The following SYNPR variants were observed in gnomAD, a reference collection of about 807,000 sequenced individuals.
SYNPR encodes synaptoporin.
In SYNPR, 23 loss-of-function variants were observed where a neutral mutation model predicts 32.9. That is an observed-to-expected ratio of 0.70 (90% CI 0.50 to 0.99). The LOEUF is 0.99. Among genes scored for constraint, SYNPR ranks in the 50% least tolerant of loss-of-function variants. SYNPR has a pLI of 0.00. For synonymous variants in SYNPR, 146 were observed against 135.9 expected, an observed-to-expected ratio of 1.07 and a Z score of -0.52; for missense variants, 318 against 349.3, an observed-to-expected ratio of 0.91 and a Z score of 0.71.
chr3:63,376,358 C>T (rs960652268), intron 2 of SYNPR, among the ~76,000 whole-genome samples: 1 of 152,040 alleles, frequency 6.6e-6, no homozygotes, highest in African/African-American at 2.4e-5. Context: ...AGTTAACATC[C>T]CCTTTCAAAA....
chr3:63,343,318 T>C (rs1575604256), intron 2 of SYNPR, among the ~76,000 whole-genome samples: 1 of 152,318 alleles, frequency 6.6e-6, no homozygotes, highest in Non-Finnish European at 1.5e-5. Flanking sequence ...AAAAGATCAC[T>C]GTGGCTGCTG....
intron 1 of SYNPR, chr3:63,252,375 A>G (rs1337636236): frequency 6.6e-6 from 1 of 152,206 alleles, no homozygotes; most frequent in Non-Finnish European, 1.5e-5. Flanking sequence ...TTGAATTTGA[A>G]TTCCATTTAT....
intron 3 of SYNPR, among the ~76,000 whole-genome samples, chr3:63,497,042 C>T (rs1474679028): frequency 1.3e-5 from 2 of 152,104 alleles, no homozygotes; most frequent in African/African-American, 2.4e-5. Context: ...TGCAAGTCCT[C>T]GGTTGTACAG....
At chr3:63,540,930 A>AACACACACACACACACACACAC (rs58295090) in intron 3 of SYNPR, among the ~76,000 whole-genome samples, 4 of 122,752 alleles carry the variant, frequency 3.3e-5, no homozygotes, top group South Asian at 2.9e-4. Context: ...TCCCCCCCCC[A>AACACACACACACACACACACAC]ACACACACAC....
intron 3 of SYNPR, among the ~76,000 whole-genome samples, chr3:63,518,636 C>G (rs1701844269): frequency 6.6e-6 from 1 of 152,148 alleles, no homozygotes; most frequent in African/African-American, 2.4e-5. Context: ...GGCAAGTTAC[C>G]TAACATTGCT....
the SYNPR span, among the ~76,000 whole-genome samples, chr3:63,218,590 C>T: frequency 6.6e-6 from 1 of 152,152 alleles, no homozygotes; most frequent in African/African-American, 2.4e-5. Context: ...AAGTGAAATA[C>T]CTGTAAACTC....
intron 2 of SYNPR, among the ~76,000 whole-genome samples, chr3:63,259,728 A>G (rs1000571505): frequency 6.6e-6 from 1 of 152,196 alleles, no homozygotes; most frequent in Non-Finnish European, 1.5e-5. Context: ...GGCCAGGGCA[A>G]TCAGGCAAGA....
At chr3:63,534,577 C>A (rs189647544) in intron 3 of SYNPR, among the ~76,000 whole-genome samples, 1 of 152,230 alleles carries the variant, frequency 6.6e-6, no homozygotes, top group East Asian at 1.9e-4. Context: ...TTATAAGAAC[C>A]TGTCAGTACA....
chr3:63,346,359 G>A (rs907191148), intron 2 of SYNPR, among the ~76,000 whole-genome samples: 7 of 151,878 alleles, frequency 4.6e-5, no homozygotes, highest in South Asian at 2.1e-4. Flanking sequence ...TGAAGTATGC[G>A]CTGTTTTACT....
Position 63,293,752 on chromosome 3 carries a change from T to C in SYNPR, c.84+15010T>C, listed in dbSNP as rs187199643. 1.6e-3 allele frequency among the ~76,000 whole-genome samples: 245 copies of C among 151,916 alleles called. 1 individual carries two copies. The highest frequency in any genetic ancestry group is 5.7e-3 in the African/African-American group (234 of 41,382). On this transcript the variant is annotated intron_variant, in intron 2 of 5. Coordinates refer to ENST00000478300, the MANE Select transcript of SYNPR (RefSeq NM_001130003.2). ...TCCTTGGCTTACAGAAGTATTGTCC[T>C]GATGTCTGCTTTCCTCTTCACATGG...
chr3:63,321,116 C>A (rs1328847321), intron 2 of SYNPR, among the ~76,000 whole-genome samples: 2 of 152,032 alleles, frequency 1.3e-5, no homozygotes, highest in Admixed American at 6.6e-5. Flanking sequence ...TTAGTTTATA[C>A]CCCCAAGATA....
chr3:63,203,494 T>C, the SYNPR span: 1 of 152,262 alleles, frequency 6.6e-6, no homozygotes, highest in East Asian at 1.9e-4. Context: ...TGCCACAGAT[T>C]CCTCACCCGA....
At chr3:63,260,312 A>T (rs920468253) in intron 2 of SYNPR, among the ~76,000 whole-genome samples, 6 of 152,234 alleles carry the variant, frequency 3.9e-5, no homozygotes, top group Middle Eastern at 6.8e-3. Flanking sequence ...GCTACCTGAC[A>T]TCAAACTATA....
chr3:63,506,398 TTTATTTTGAGAAAGC>T (rs1701588921), intron 3 of SYNPR, among the ~76,000 whole-genome samples: 1 of 152,202 alleles, frequency 6.6e-6, no homozygotes, highest in Non-Finnish European at 1.5e-5. Context: ...GATTTTCTCA[TTTATTTTGAGAAAGC>T]TTATTTTGTC....
chr3:63,256,905 A>T (rs567952322), intron 2 of SYNPR, among the ~76,000 whole-genome samples: 73 of 152,368 alleles, frequency 4.8e-4, no homozygotes, highest in Middle Eastern at 3.4e-3. Flanking sequence ...CCACGGCACG[A>T]GAACTACGTG....
intron 4 of SYNPR, among the ~76,000 whole-genome samples, chr3:63,564,563 A>C (rs1472908431): frequency 6.6e-6 from 1 of 152,092 alleles, no homozygotes. Flanking sequence ...TAATGCAAAA[A>C]TGTATGGACT....
At chr3:63,466,797 C>T (rs2106666433) in intron 2 of SYNPR, among the ~76,000 whole-genome samples, 1 of 135,158 alleles carries the variant, frequency 7.4e-6, no homozygotes, top group South Asian at 2.2e-4. Context: ...GGCACTAATC[C>T]TATCAAATCG....
At chr3:63,242,682 CT>C (rs1235350975) in intron 1 of SYNPR, among the ~76,000 whole-genome samples, 11 of 152,036 alleles carry the variant, frequency 7.2e-5, no homozygotes, top group Admixed American at 7.2e-4. Flanking sequence ...AGATGAGCCC[CT>C]GGTTGGAGAT....
At chr3:63,444,199 T>C (rs1380980765) in intron 2 of SYNPR, 3 of 152,210 alleles carry the variant, frequency 2.0e-5, no homozygotes. Flanking sequence ...GAAAAGTTGC[T>C]GTTATTAAAT....
Sources: gnomAD v4.1 joint callset for allele counts (sites outside exome capture counted in the v4.1 genomes callset) on GRCh38, gnomAD v4.1.1 for gene constraint, MANE v1.5 for transcripts, NCBI Gene and HGNC (gene_info 2026-07-23, HGNC 2026-07-21) for gene names.